TENM1: variants seen among roughly 807,000 people sequenced by gnomAD.
The protein encoded by TENM1 is teneurin transmembrane protein 1, also known as teneurin-1.
Under a neutral mutation model 174.8 loss-of-function variants are expected in TENM1, and 35 were observed. That is an observed-to-expected ratio of 0.20 (90% CI 0.15 to 0.27). The LOEUF (loss-of-function observed/expected upper bound fraction) is 0.27. TENM1 is among the 10% of genes least tolerant of loss of function. The pLI is 1.00. For missense variants in TENM1, 1,633 were observed against 2,130.1 expected, an observed-to-expected ratio of 0.77 and a Z score of 4.59; for synonymous variants, 781 against 798.7, an observed-to-expected ratio of 0.98 and a Z score of 0.37.
chrX:125,151,150 T>C, the TENM1 span, among the ~76,000 whole-genome samples: 3 of 112,363 alleles, frequency 2.7e-5, no homozygotes, highest in African/African-American at 9.7e-5. Flanking sequence ...AGCGGTTATA[T>C]TGAAAGGGTA....
intron 3 of TENM1, among the ~76,000 whole-genome samples, chrX:124,748,072 A>G (rs2053971288): frequency 9.0e-6 from 1 of 111,383 alleles, no homozygotes. Flanking sequence ...CTACTATGGA[A>G]TTGCTCTGTT....
chrX:124,742,906 T>G (rs765537714), intron 3 of TENM1, among the ~76,000 whole-genome samples: 1 of 111,253 alleles, frequency 9.0e-6, no homozygotes, highest in African/African-American at 3.3e-5. Context: ...GTTCCTGAGG[T>G]TGCTTTTCTG....
intron 11 of TENM1, among the ~76,000 whole-genome samples, chrX:124,611,350 C>T (rs891956323): frequency 8.9e-5 from 10 of 111,732 alleles, no homozygotes; most frequent in African/African-American, 2.9e-4. Flanking sequence ...TGGCACTGTG[C>T]CCCAAAGGAT....
At chrX:124,504,294 C>T (rs1030266404) in intron 18 of TENM1, among the ~76,000 whole-genome samples, 40 of 112,277 alleles carry the variant, frequency 3.6e-4, no homozygotes, top group Non-Finnish European at 5.3e-4. Flanking sequence ...ACTTTGTGCA[C>T]GTTATGTTTT....
chrX:124,405,093 C>T lies in TENM1; in HGVS notation c.5329G>A (p.Glu1777Lys), dbSNP rs770975840. Residue 1777 changes from glutamate to lysine, a missense_variant, in exon 27 of 32, where the codon GAG (glutamate) becomes AAG (lysine). By Grantham distance (56) the Glu-to-Lys change is moderately conservative. This residue lies in a region of TENM1 where 807 missense variants were observed against 1,125.3 expected (regional missense o/e 0.72). Coordinates refer to ENST00000422452, the Ensembl canonical transcript of TENM1. The stretch of plus-strand genomic sequence containing the variant: ...TTTTGCTCCTTCCTCTGCCGCCACT[C>T]GATGAGGTTTGCATTGTGCTCTCCG... 2.5e-6 allele frequency: 3 copies of T among 1,211,757 alleles called. No homozygotes were observed. The highest frequency in any genetic ancestry group is 3.3e-6 in the Non-Finnish European group (3 of 895,541).
intron 1 of TENM1, among the ~76,000 whole-genome samples, chrX:124,920,263 A>G (rs1180146311): frequency 9.0e-6 from 1 of 111,616 alleles, no homozygotes; most frequent in Non-Finnish European, 1.9e-5. Flanking sequence ...GTGTTTTTAC[A>G]AGACTGAGAT....
At chrX:124,531,126 C>CTTT (rs1189755779) in intron 15 of TENM1, among the ~76,000 whole-genome samples, 1 of 79,179 alleles carries the variant, frequency 1.3e-5, no homozygotes, top group Non-Finnish European at 2.4e-5. Context: ...TCAATACCAC[C>CTTT]TTTTTTTTTT....
At chrX:124,665,249 A>C (rs2051724389) in intron 6 of TENM1, among the ~76,000 whole-genome samples, 1 of 111,764 alleles carries the variant, frequency 8.9e-6, no homozygotes, top group Non-Finnish European at 1.9e-5. Context: ...CTGAGGCAGG[A>C]GAATCGCTTG....
chrX:124,795,696 A>G (rs2147217803), intron 3 of TENM1, among the ~76,000 whole-genome samples: 1 of 110,371 alleles, frequency 9.1e-6, no homozygotes, highest in South Asian at 3.8e-4. Context: ...ACTTTAACCT[A>G]AGGTGGCAGT....
At chrX:124,847,145 GC>G (rs1404850886) in intron 3 of TENM1, among the ~76,000 whole-genome samples, 3 of 110,976 alleles carry the variant, frequency 2.7e-5, no homozygotes, top group African/African-American at 9.8e-5. Context: ...ACTTCTCAGA[GC>G]CTTTAAATAT....
the TENM1 span, among the ~76,000 whole-genome samples, chrX:125,068,898 T>A: frequency 1.1e-3 from 121 of 112,331 alleles, 2 homozygotes; most frequent in East Asian, 0.032. Context: ...ATAGCTGGAC[T>A]ATAGCCTCCA....
intron 28 of TENM1, among the ~76,000 whole-genome samples, chrX:124,386,786 C>G (rs1386029180): frequency 9.1e-6 from 1 of 109,517 alleles, no homozygotes; most frequent in Non-Finnish European, 1.9e-5. Flanking sequence ...GTAGTCATAG[C>G]TCACTGCAGC....
the TENM1 span, among the ~76,000 whole-genome samples, chrX:125,026,795 T>A: frequency 6.2e-5 from 7 of 112,176 alleles, no homozygotes; most frequent in Non-Finnish European, 1.3e-4. Context: ...GTCATTTGAA[T>A]GGATGAAGAA....
At chrX:124,415,210 G>A (rs1447301176) in intron 25 of TENM1, among the ~76,000 whole-genome samples, 1 of 112,338 alleles carries the variant, frequency 8.9e-6, no homozygotes, top group Non-Finnish European at 1.9e-5. Flanking sequence ...GTCACATTAT[G>A]AAGGTTGGAA....
At chrX:124,425,850 C>T (rs745842080) in intron 23 of TENM1, among the ~76,000 whole-genome samples, 7 of 110,809 alleles carry the variant, frequency 6.3e-5, no homozygotes, top group Non-Finnish European at 9.4e-5. Context: ...GAGAAGGAGG[C>T]GAGATAGGAG....
intron 3 of TENM1, among the ~76,000 whole-genome samples, chrX:124,892,624 C>T (rs2057495260): frequency 1.8e-5 from 2 of 111,834 alleles, no homozygotes; most frequent in Admixed American, 1.9e-4. Flanking sequence ...GGACAATTCA[C>T]CTAAATTAAC....
chrX:124,758,160 AAAAACAAAACAAAAC>A (rs774498913), intron 3 of TENM1, among the ~76,000 whole-genome samples: 1 of 112,240 alleles, frequency 8.9e-6, no homozygotes, highest in Non-Finnish European at 1.9e-5. Flanking sequence ...CAATAGCAGA[AAAAACAAAACAAAAC>A]AAAACAAAAC....
At chrX:124,872,030 C>CAAAAAAAAAAA (rs748541890) in intron 3 of TENM1, among the ~76,000 whole-genome samples, 9 of 35,312 alleles carry the variant, frequency 2.5e-4, no homozygotes, top group South Asian at 1.8e-3. Flanking sequence ...GACTCTGTCT[C>CAAAAAAAAAAA]AAAAAAAAAA....
chrX:124,865,057 A>G (rs1020789347), intron 3 of TENM1, among the ~76,000 whole-genome samples: 1 of 111,633 alleles, frequency 9.0e-6, no homozygotes, highest in Non-Finnish European at 1.9e-5. Flanking sequence ...GCTTCCCCAG[A>G]CTAACAAAAC....
Sources: allele counts gnomAD v4.1 joint callset (sites outside exome capture counted in the v4.1 genomes callset), GRCh38; gene constraint gnomAD v4.1.1; regional missense constraint gnomAD v4.1.1; transcripts MANE v1.5; gene names NCBI Gene and HGNC (gene_info 2026-07-23, HGNC 2026-07-21).